MFSD11: variants seen among roughly 807,000 people sequenced by gnomAD.
The protein encoded by MFSD11 is UNC93-like protein MFSD11.
A neutral mutation model predicts 53.5 loss-of-function variants in MFSD11; 36 were observed. The ratio of observed to expected loss-of-function variants is 0.67; its 90% CI spans 0.52 to 0.89. The LOEUF (loss-of-function observed/expected upper bound fraction) is 0.89, where lower values mean the gene tolerates loss of function less well. MFSD11 is among the 40% of genes least tolerant of loss of function. The pLI is 0.00. For synonymous variants in MFSD11, 186 were observed against 184.9 expected, an observed-to-expected ratio of 1.01 and a Z score of -0.05; for missense variants, 530 against 543.9, an observed-to-expected ratio of 0.97 and a Z score of 0.25.
At chr17:76,770,070 C>T (rs1204939240) in intron 10 of MFSD11, among the ~76,000 whole-genome samples, 199 bp downstream of exon 10, 3 of 139,446 alleles carry the variant, frequency 2.2e-5, no homozygotes, top group Non-Finnish European at 4.5e-5. Context: ...CTCGCTCTGT[C>T]GCCGAGGCTA....
the MFSD11 span, among the ~76,000 whole-genome samples, chr17:76,786,690 C>G: frequency 6.6e-6 from 1 of 152,258 alleles, no homozygotes; most frequent in Non-Finnish European, 1.5e-5. Context: ...GGAAAGCCCA[C>G]TAGAGACACA....
chr17:76,761,105 T>C (rs1315145247), intron 8 of MFSD11, among the ~76,000 whole-genome samples: 1 of 152,054 alleles, frequency 6.6e-6, no homozygotes, highest in Non-Finnish European at 1.5e-5. Flanking sequence ...CTCAGGAGGC[T>C]GAGGCGGGAG....
chr17:76,778,315 C>G lies in MFSD11; in HGVS notation c.1313C>G (p.Ala438Gly). Residue 438 changes from alanine to glycine, a missense_variant, in exon 13 of 13, where the codon GCC becomes GGC. Coordinates refer to ENST00000685175, the MANE Select transcript of MFSD11 (RefSeq NM_001242532.5). ...TTCACTGTGGAATGGGAAGCTGCCG[C>G]CTTTGTAGCCCGCGGCTCTGACTAC... is the stretch of plus-strand genomic sequence containing the variant. ...SFFTVEWEAA[A>G]FVARGSDYRS... 1 of 1,614,196 alleles carries G rather than the reference C, an allele frequency of 6.2e-7. No individual in the cohort carries two copies. Among genetic ancestry groups the G allele is most frequent in the Non-Finnish European group, 8.5e-7 (1 of 1,180,052 alleles).
the MFSD11 span, among the ~76,000 whole-genome samples, chr17:76,801,889 G>A: frequency 6.6e-5 from 10 of 152,020 alleles, no homozygotes; most frequent in Non-Finnish European, 1.0e-4. Flanking sequence ...GTCTAAGAAT[G>A]CCTGACCTCC....
intron 8 of MFSD11, among the ~76,000 whole-genome samples, chr17:76,758,231 C>A (rs1192580639): frequency 6.6e-6 from 1 of 152,092 alleles, no homozygotes; most frequent in African/African-American, 2.4e-5. Flanking sequence ...ATCCATACTT[C>A]ACTTTATATT....
chr17:76,761,531 G>A (rs994948952), intron 8 of MFSD11, among the ~76,000 whole-genome samples: 21 of 152,130 alleles, frequency 1.4e-4, no homozygotes, highest in African/African-American at 4.6e-4. Flanking sequence ...ATAAAATGGA[G>A]AATATATAGT....
chr17:76,796,757 G>C, the MFSD11 span, among the ~76,000 whole-genome samples: 2 of 147,074 alleles, frequency 1.4e-5, no homozygotes, highest in Non-Finnish European at 3.0e-5. Context: ...CTGAGGTCAA[G>C]AGTTTGAGAC....
At chr17:76,802,658 C>A in the MFSD11 span, among the ~76,000 whole-genome samples, 6 of 152,170 alleles carry the variant, frequency 3.9e-5, no homozygotes, top group African/African-American at 1.4e-4. Flanking sequence ...GCAGGCAAAT[C>A]ACTTAAGGTC....
intron 2 of MFSD11, 92 bp from the exon 3 acceptor site, chr17:76,740,865 A>G (rs925277657): frequency 1.3e-6 from 1 of 742,436 alleles, no homozygotes; most frequent in African/African-American, 1.8e-5. Flanking sequence ...TTATTGTAAA[A>G]TCTATAAACA....
chr17:76,746,678 A>C (rs953620143), intron 7 of MFSD11, among the ~76,000 whole-genome samples: 1 of 152,224 alleles, frequency 6.6e-6, no homozygotes, highest in Non-Finnish European at 1.5e-5. Flanking sequence ...CTAGAAATGC[A>C]GTGACAAAGC....
chr17:76,737,624 T>C (rs1168219229), upstream of MFSD11: 1 of 208,288 alleles, frequency 4.8e-6, no homozygotes, highest in African/African-American at 2.3e-5. Flanking sequence ...GAAGAGGAGG[T>C]GCTCCCCATC....
In MFSD11 at chr17:76,738,242, C is replaced by T. The variant is rs1388628734; in HGVS notation, c.-111C>T. The T allele has an allele frequency of 8.4e-6, 6 of 714,000 alleles. No individual in the cohort carries two copies. Among genetic ancestry groups the T allele is most frequent in the South Asian group, 6.8e-5 (4 of 58,446 alleles). 44.2% of individuals were successfully genotyped at this position (714,000 alleles called of 1,614,324 possible). A position where few individuals can be genotyped will look rare whatever the true frequency, so the allele number is the denominator to read the frequency against. ...TGACAGCTTGGCTGCCTGGCTCCTG[C>T]ATCTGCCTTCTCCACTCACCATCTC... On this transcript the variant is annotated 5_prime_UTR_variant, in exon 1 of 13. Coordinates refer to ENST00000685175, the MANE Select transcript of MFSD11 (RefSeq NM_001242532.5).
intron 8 of MFSD11, among the ~76,000 whole-genome samples, chr17:76,765,586 C>T (rs1164782706): frequency 6.7e-6 from 1 of 150,200 alleles, no homozygotes; most frequent in African/African-American, 2.5e-5. Flanking sequence ...TCTTAGCCTT[C>T]CAAGTAGCTG....
downstream of MFSD11, among the ~76,000 whole-genome samples, chr17:76,782,120 T>C (rs2082177644): frequency 6.6e-6 from 1 of 151,936 alleles, no homozygotes; most frequent in South Asian, 2.1e-4. Flanking sequence ...TATGCTTTTT[T>C]TTCTCCCCCG....
the MFSD11 span, among the ~76,000 whole-genome samples, chr17:76,796,784 G>A: frequency 2.1e-5 from 3 of 139,988 alleles, no homozygotes; most frequent in African/African-American, 8.1e-5. Context: ...GGCCAACATG[G>A]TGAAACCCCA....
Position 76,738,156 on chromosome 17 carries a change from C to T in MFSD11, c.-197C>T. 1 of 603,398 alleles carries T rather than the reference C, an allele frequency of 1.7e-6. No homozygotes were observed. The highest frequency in any genetic ancestry group is 2.9e-6 in the Non-Finnish European group (1 of 341,402). 37.4% of individuals were successfully genotyped at this position (603,398 alleles called of 1,614,324 possible). A position where few individuals can be genotyped will look rare whatever the true frequency, so the allele number is the denominator to read the frequency against. On this transcript the variant is annotated 5_prime_UTR_variant, in exon 1 of 13. Coordinates refer to ENST00000685175, the MANE Select transcript of MFSD11 (RefSeq NM_001242532.5). ...ACTCGGATCGCTTCTTAGGAGTATC[C>T]TAACTGCCGGTGGGGAGAACTTCGC...
At chr17:76,773,050 A>G (rs1568111541) in intron 10 of MFSD11, 2 of 152,214 alleles carry the variant, frequency 1.3e-5, no homozygotes. Context: ...CCCTAATACC[A>G]CTAATCCTCT....
At chr17:76,795,821 T>C in the MFSD11 span, among the ~76,000 whole-genome samples, 2 of 83,972 alleles carry the variant, frequency 2.4e-5, no homozygotes, top group East Asian at 3.7e-4. Context: ...GCCCGGCTAA[T>C]TTTTTTTTTT....
chr17:76,757,738 C>T (rs570974911), intron 8 of MFSD11, among the ~76,000 whole-genome samples: 31 of 152,270 alleles, frequency 2.0e-4, no homozygotes, highest in Admixed American at 1.6e-3. Flanking sequence ...AGGCCGGGCA[C>T]GGTGGCTCAT....
Sources: allele counts gnomAD v4.1 joint callset (sites outside exome capture counted in the v4.1 genomes callset), GRCh38; gene constraint gnomAD v4.1.1; transcripts MANE v1.5; gene names NCBI Gene and HGNC (gene_info 2026-07-23, HGNC 2026-07-21).